ZNF334: variants seen among roughly 807,000 people sequenced by gnomAD.
The protein encoded by ZNF334 is zinc finger protein 334.
A neutral mutation model predicts 12.4 loss-of-function variants in ZNF334; 14 were observed. That is an observed-to-expected ratio of 1.13 (90% CI 0.74 to 1.76). The LOEUF (loss-of-function observed/expected upper bound fraction) is 1.76, where lower values mean the gene tolerates loss of function less well. ZNF334 is among the 40% of genes most tolerant of loss of function. ZNF334 has a pLI of 0.00. For missense variants in ZNF334, 797 were observed against 804.5 expected, an observed-to-expected ratio of 0.99 and a Z score of 0.11; for synonymous variants, 273 against 269.6, an observed-to-expected ratio of 1.01 and a Z score of -0.12.
intron 2 of ZNF334, chr20:46,505,624 A>G (rs1035612385): frequency 9.8e-5 from 15 of 153,790 alleles, no homozygotes; most frequent in African/African-American, 3.4e-4. Flanking sequence ...GCTCTAGAGC[A>G]TAAGAGTTGG....
In ZNF334 at chr20:46,502,465, G is replaced by T. The variant is rs1291576519; in HGVS notation, c.874C>A (p.Pro292Thr). ...TTCCTGCATTCACTGCATTCATAGG[G>T]TCTCTCTCCAGTATGAATTCTTCGG... ...RHRRIHTGERPYECSECRKTF... is the reference protein window; with the variant it reads ...RHRRIHTGERTYECSECRKTF... Residue 292 changes from proline (P) to threonine (T), a missense_variant, in exon 5 of 5, where the codon CCC (proline) becomes ACC (threonine). Physicochemically the swap from Pro to Thr is conservative, Grantham distance 38 (BLOSUM62 -1). Coordinates refer to ENST00000692313, the MANE Select transcript of ZNF334 (RefSeq NM_001353824.2). 1 of 1,613,854 alleles carries T rather than the reference G, an allele frequency of 6.2e-7. No individual in the cohort carries two copies. The highest frequency in any genetic ancestry group is 8.5e-7 in the Non-Finnish European group (1 of 1,179,960).
At chr20:46,470,214 C>G in the ZNF334 span, among the ~76,000 whole-genome samples, 1 of 152,294 alleles carries the variant, frequency 6.6e-6, no homozygotes, top group South Asian at 2.1e-4. Flanking sequence ...AGGCTGAAGC[C>G]TAGGTCCCCT....
Position 46,502,018 on chromosome 20 carries a change from A to T in ZNF334, c.1321T>A (p.Phe441Ile), listed in dbSNP as rs1458023865. The change falls in exon 5 of 5, where the codon TTT becomes ATT. Residue 441 changes from phenylalanine (F) to isoleucine (I), a missense_variant. By Grantham distance (21) the Phe-to-Ile change is conservative (BLOSUM62 0). Coordinates refer to ENST00000692313, the MANE Select transcript of ZNF334 (RefSeq NM_001353824.2). ...KPYECSQCGK[F>I]LCTKSALIAH... is the part of the protein sequence containing the mutation. ...ATGAGGGCTGATTTCGTACATAAAA[A>T]TTTTCCACATTGACTGCATTCATAG... 4.3e-6 allele frequency: 7 copies of T among 1,613,844 alleles called. No homozygotes were observed. Among genetic ancestry groups the T allele is most frequent in the Non-Finnish European group, 5.9e-6 (7 of 1,180,002 alleles).
chr20:46,471,195 G>A, the ZNF334 span, among the ~76,000 whole-genome samples: 3 of 152,208 alleles, frequency 2.0e-5, no homozygotes, highest in Admixed American at 6.5e-5. Context: ...TTTGGGATTC[G>A]ATTTCTCATA....
the ZNF334 span, among the ~76,000 whole-genome samples, chr20:46,479,184 CT>C: frequency 1.6e-4 from 25 of 152,186 alleles, no homozygotes; most frequent in Non-Finnish European, 3.1e-4. Flanking sequence ...AGGGGGGAAC[CT>C]GTCTCCTTGC....
At chr20:46,486,714 T>C in the ZNF334 span, among the ~76,000 whole-genome samples, 1 of 152,096 alleles carries the variant, frequency 6.6e-6, no homozygotes, top group Middle Eastern at 3.2e-3. Context: ...GGGCATATTA[T>C]AGTTTGACAA....
At chr20:46,464,992 C>T in the ZNF334 span, 4 of 432,208 alleles carry the variant, frequency 9.3e-6, no homozygotes, top group African/African-American at 6.1e-5. Context: ...CAGCGGCCTC[C>T]ATAAACACAG....
At chr20:46,462,954 AAAC>A in the ZNF334 span, among the ~76,000 whole-genome samples, 4 of 152,128 alleles carry the variant, frequency 2.6e-5, no homozygotes, top group African/African-American at 9.7e-5. Context: ...CTATCATTCA[AAAC>A]ATGGTAGGGC....
chr20:46,496,131 C>T (rs971370309), downstream of ZNF334, among the ~76,000 whole-genome samples: 2 of 152,128 alleles, frequency 1.3e-5, no homozygotes, highest in African/African-American at 2.4e-5. Flanking sequence ...GCCTAGGAGA[C>T]CCAGAAATTG....
intron 1 of ZNF334, 77 bp from the exon 2 acceptor site, chr20:46,512,217 A>ACACACC: frequency 9.2e-7 from 1 of 1,084,756 alleles, no homozygotes; most frequent in South Asian, 1.3e-5. Context: ...CTACAAAGCC[A>ACACACC]CACACCCATT....
chr20:46,509,148 T>C (rs1460868624), intron 2 of ZNF334, among the ~76,000 whole-genome samples: 1 of 152,094 alleles, frequency 6.6e-6, no homozygotes, highest in African/African-American at 2.4e-5. Flanking sequence ...TGGGCAAGTC[T>C]ATATTAAGAT....
chr20:46,483,442 C>A, the ZNF334 span, among the ~76,000 whole-genome samples: 9,201 of 152,108 alleles, frequency 0.06, 923 homozygotes, highest in African/African-American at 0.21. Flanking sequence ...TTTTATCTGG[C>A]ACTTGAGTCT....
At chr20:46,504,550 A>G in intron 3 of ZNF334, 64 bp downstream of exon 3, 1 of 1,521,232 alleles carries the variant, frequency 6.6e-7, no homozygotes, top group East Asian at 2.3e-5. Context: ...CTAGAAATCA[A>G]CATGTTTTTG....
chr20:46,484,538 C>T, the ZNF334 span: 2 of 167,372 alleles, frequency 1.2e-5, no homozygotes. Context: ...AACAGAGAAA[C>T]CTGTATAAAG....
chr20:46,503,470 C>G (rs2061323369), intron 4 of ZNF334, among the ~76,000 whole-genome samples: 1 of 152,064 alleles, frequency 6.6e-6, no homozygotes, highest in African/African-American at 2.4e-5. Context: ...TTGAATAAAA[C>G]AGACAAGAGT....
At chr20:46,498,166 G>A (rs2061056120), downstream of ZNF334, among the ~76,000 whole-genome samples, 1 of 152,186 alleles carries the variant, frequency 6.6e-6, no homozygotes, top group Non-Finnish European at 1.5e-5. Context: ...TTCTTATGGT[G>A]GTTGCCTCTG....
At chr20:46,464,878 T>C in the ZNF334 span, 5 of 534,220 alleles carry the variant, frequency 9.4e-6, no homozygotes, top group Non-Finnish European at 1.9e-5. Flanking sequence ...CCACAAGCGG[T>C]CCAACTATGA....
chr20:46,502,730 C>T lies in ZNF334; in HGVS notation c.609G>A (p.Gln203=). The change falls in exon 5 of 5, where the codon CAG becomes CAA. Residue 203 remains glutamine (Q), a synonymous_variant. Transcript: ENST00000692313. ...NENLILHQNI[Q]ILKQPFDYNK... is the part of the protein sequence containing the mutation. Reference sequence around the variant, plus strand: ...TATAGTCAAACGGTTGTTTCAAAATCTGAATGTTCTGGTGCAGAATAAGAT... The same window carrying T: ...TATAGTCAAACGGTTGTTTCAAAATTTGAATGTTCTGGTGCAGAATAAGAT... The T allele has an allele frequency of 6.2e-7, 1 of 1,613,684 alleles. No individual in the cohort carries two copies. Among genetic ancestry groups the T allele is most frequent in the South Asian group, 1.1e-5 (1 of 91,072 alleles).
At chr20:46,493,014 A>G in the ZNF334 span, 7,299 of 152,008 alleles carry the variant, frequency 0.048, 481 homozygotes, top group African/African-American at 0.14. Context: ...CTTGAACCCC[A>G]GAGGCGGAAG....
Sources: allele counts gnomAD v4.1 joint callset (sites outside exome capture counted in the v4.1 genomes callset), GRCh38; gene constraint gnomAD v4.1.1; transcripts MANE v1.5; gene names NCBI Gene and HGNC (gene_info 2026-07-23, HGNC 2026-07-21).